GRK5: variants seen among roughly 807,000 people sequenced by gnomAD.
GRK5 encodes the protein g protein-coupled receptor kinase GRK5.
Under a neutral mutation model 78.4 loss-of-function variants are expected in GRK5, and 40 were observed. The observed-to-expected ratio is 0.51, with a 90% confidence interval of 0.40 to 0.66. The LOEUF is 0.66. Ranked by LOEUF, GRK5 falls within the 30% of genes least tolerant of loss-of-function variation. The pLI is 0.00. For missense variants in GRK5, 598 were observed against 759.9 expected, an observed-to-expected ratio of 0.79 and a Z score of 2.50; for synonymous variants, 289 against 296.8, an observed-to-expected ratio of 0.97 and a Z score of 0.27.
chr10:119,240,986 G>A (rs990328354), intron 1 of GRK5, among the ~76,000 whole-genome samples: 1 of 152,232 alleles, frequency 6.6e-6, no homozygotes, highest in Admixed American at 6.5e-5. Flanking sequence ...TCTGGGGTCG[G>A]AGCAGGCAGG....
At chr10:119,349,253 C>A (rs1258614054) in intron 2 of GRK5, among the ~76,000 whole-genome samples, 3 of 152,090 alleles carry the variant, frequency 2.0e-5, no homozygotes, top group Non-Finnish European at 4.4e-5. Flanking sequence ...GCCTGGGTTT[C>A]CTCAGCTTCA....
At chr10:119,410,624 C>G (rs1311870134) in intron 4 of GRK5, among the ~76,000 whole-genome samples, 4 of 152,154 alleles carry the variant, frequency 2.6e-5, no homozygotes, top group Non-Finnish European at 5.9e-5. Flanking sequence ...CTTGGTTGCT[C>G]ATAGCCCTGA....
At chr10:119,394,213 T>TGTGG (rs1564916758) in intron 3 of GRK5, among the ~76,000 whole-genome samples, 1 of 150,142 alleles carries the variant, frequency 6.7e-6, no homozygotes, top group Admixed American at 6.6e-5. Context: ...TATCTGTGTG[T>TGTGG]GGGTACGTGT....
Position 119,394,519 on chromosome 10 carries a change from G to C in GRK5, c.262-2176G>C, listed in dbSNP as rs1441766704. Among the ~76,000 whole-genome samples, 11 of 17,010 alleles carry C rather than the reference G, an allele frequency of 6.5e-4. 1 individual carries two copies. The highest frequency in any genetic ancestry group is 6.9e-4 in the Non-Finnish European group (7 of 10,136). 11.2% of individuals were successfully genotyped at this position (17,010 alleles called of 152,430 possible). On this transcript the variant is annotated intron_variant, in intron 3 of 15. Coordinates refer to ENST00000392870, the MANE Select transcript of GRK5 (RefSeq NM_005308.3). The stretch of plus-strand genomic sequence containing the variant: ...CGTGTCTGTGGGCACGTGTGTGTGG[G>C]TGTGTGTGGGTGTGTATCTGTGTGT...
chr10:119,320,514 C>T (rs755273565), intron 1 of GRK5, among the ~76,000 whole-genome samples: 2 of 152,160 alleles, frequency 1.3e-5, no homozygotes, highest in East Asian at 1.9e-4. Flanking sequence ...ACAGACTGAC[C>T]GACCAGTGCT....
chr10:119,347,764 G>A (rs928337160), intron 2 of GRK5, among the ~76,000 whole-genome samples: 1 of 152,252 alleles, frequency 6.6e-6, no homozygotes, highest in African/African-American at 2.4e-5. Flanking sequence ...TGGACCAGTA[G>A]GCGTGTCTGC....
At position 119,412,952 on chromosome 10, in the gene GRK5, G is replaced by T. The variant is rs182447745; in HGVS notation, c.340-10214G>T. Among the ~76,000 whole-genome samples, 1 of 152,188 alleles carries T rather than the reference G, an allele frequency of 6.6e-6. No homozygotes were observed. The highest frequency in any genetic ancestry group is 1.5e-5 in the Non-Finnish European group (1 of 68,040). ...GGCGAGACGAGGGGAGCTCTTGGCCGTGTGAAGAGCACTTGGAGGCCTCCT... is the reference window on the plus strand; with the variant it reads ...GGCGAGACGAGGGGAGCTCTTGGCCTTGTGAAGAGCACTTGGAGGCCTCCT... On this transcript the variant is annotated intron_variant, in intron 4 of 15. Transcript: ENST00000392870. This position sits in a 1 kb window ranked among gnomAD's most constrained non-coding sequence, Gnocchi z 4.3.
At chr10:119,395,636 T>C (rs1035098052) in intron 3 of GRK5, among the ~76,000 whole-genome samples, 1 of 152,228 alleles carries the variant, frequency 6.6e-6, no homozygotes, top group Non-Finnish European at 1.5e-5. Context: ...TTTTATTGAC[T>C]CGAGGCCCTT....
rs1850883083 is a variant in GRK5 at position 119,336,181 on chromosome 10, C to T, written c.148+9570C>T. ...TGGAGTCATCGGAATCCTCCTCTTC[C>T]TAGAGCACTGCCTCCAGCTTCCTCT... On this transcript the variant is annotated intron_variant, in intron 2 of 15. Coordinates refer to ENST00000392870, the MANE Select transcript of GRK5 (RefSeq NM_005308.3). This position sits in a 1 kb window ranked among gnomAD's most constrained non-coding sequence, Gnocchi z 4.5. The T allele has an allele frequency of 6.6e-6, 1 of 152,280 alleles. No individual in the cohort carries two copies. The highest frequency in any genetic ancestry group is 1.5e-5 in the Non-Finnish European group (1 of 68,074). 9.4% of individuals were successfully genotyped at this position (152,280 alleles called of 1,614,324 possible). A position where few individuals can be genotyped will look rare whatever the true frequency, so the allele number is the denominator to read the frequency against.
chr10:119,268,307 G>C (rs943585400), intron 1 of GRK5, among the ~76,000 whole-genome samples: 3 of 152,178 alleles, frequency 2.0e-5, no homozygotes, highest in Admixed American at 6.5e-5. Flanking sequence ...GTGTTTTTCT[G>C]TTTTTTTGCA....
At chr10:119,268,735 C>T (rs1215321646) in intron 1 of GRK5, among the ~76,000 whole-genome samples, 4 of 152,174 alleles carry the variant, frequency 2.6e-5, no homozygotes, top group South Asian at 2.1e-4. Flanking sequence ...CTATCATTCT[C>T]GTCATCTCAG....
At chr10:119,365,364 A>C (rs938968885) in intron 2 of GRK5, among the ~76,000 whole-genome samples, 1 of 152,228 alleles carries the variant, frequency 6.6e-6, no homozygotes, top group East Asian at 1.9e-4. Flanking sequence ...AAAAACGTCT[A>C]CTTGGCTCTC....
chr10:119,277,356 A>C (rs1849687307), intron 1 of GRK5, among the ~76,000 whole-genome samples: 1 of 152,186 alleles, frequency 6.6e-6, no homozygotes, highest in African/African-American at 2.4e-5. Flanking sequence ...TCCTGATGTC[A>C]AAATAAAAAT....
At chr10:119,308,762 C>G (rs575107147) in intron 1 of GRK5, among the ~76,000 whole-genome samples, 5 of 152,380 alleles carry the variant, frequency 3.3e-5, no homozygotes, top group South Asian at 4.1e-4. Context: ...TCCTGACCCC[C>G]AGGCCAGCTG....
intron 1 of GRK5, among the ~76,000 whole-genome samples, chr10:119,298,443 C>T (rs1438243557): frequency 1.3e-5 from 2 of 152,166 alleles, no homozygotes; most frequent in African/African-American, 4.8e-5. Context: ...CACCGATGGC[C>T]GTGAATCCCT....
chr10:119,435,785 G>T (rs141362035), intron 8 of GRK5, among the ~76,000 whole-genome samples: 2 of 152,136 alleles, frequency 1.3e-5, no homozygotes, highest in Non-Finnish European at 2.9e-5. Context: ...CACTCTTCTG[G>T]TACCAATTTA....
intron 2 of GRK5, among the ~76,000 whole-genome samples, chr10:119,359,270 A>G (rs1851320265): frequency 6.6e-6 from 1 of 152,180 alleles, no homozygotes; most frequent in South Asian, 2.1e-4. Flanking sequence ...GGGGCAGTAC[A>G]TGCCCTTACG....
At chr10:119,293,040 A>G (rs190338088) in intron 1 of GRK5, among the ~76,000 whole-genome samples, 465 of 152,312 alleles carry the variant, frequency 3.1e-3, no homozygotes, top group Non-Finnish European at 5.3e-3. Flanking sequence ...ATCTCCTGTC[A>G]TATTCTGGAG....
chr10:119,441,434 C>T (rs115124132), intron 10 of GRK5, among the ~76,000 whole-genome samples: 2,940 of 152,308 alleles, frequency 0.019, 93 homozygotes, highest in African/African-American at 0.067. Context: ...CTCAGCTCAG[C>T]GTCTCCCGCT....
Sources: allele counts gnomAD v4.1 joint callset (sites outside exome capture counted in the v4.1 genomes callset), GRCh38; gene constraint gnomAD v4.1.1; non-coding constraint Gnocchi (gnomAD v3.1); transcripts MANE v1.5; gene names NCBI Gene and HGNC (gene_info 2026-07-23, HGNC 2026-07-21).